Variants in MYH11 observed in about 807,000 individuals in gnomAD.
MYH11 encodes the protein myosin heavy chain 11, also known as myosin-11.
MYH11 carries 80 observed loss-of-function variants against 246.6 expected under a neutral mutation model. That is an observed-to-expected ratio of 0.32 (90% CI 0.27 to 0.39). The LOEUF (loss-of-function observed/expected upper bound fraction) is 0.39. MYH11 is among the 10% of genes least tolerant of loss of function. The pLI is 1.00. For synonymous variants in MYH11, 1,071 were observed against 1,015.5 expected, an observed-to-expected ratio of 1.05 and a Z score of -1.04; for missense variants, 2,158 against 2,546.8, an observed-to-expected ratio of 0.85 and a Z score of 3.29.
At position 15,745,160 on chromosome 16, in the gene MYH11, C is replaced by T. The variant is rs779428674; in HGVS notation, c.2489G>A (p.Arg830Gln). ...QRNCAAYLKL[R>Q]NWQWWRLFTK... ...GAAAAGCCTCCACCACTGCCAGTTCCGCAGCTTGAGGTAGGCGGCGCAGTT... is the reference window on the plus strand; with the variant it reads ...GAAAAGCCTCCACCACTGCCAGTTCTGCAGCTTGAGGTAGGCGGCGCAGTT... The change falls in exon 20 of 41, where the codon CGG becomes CAG. Residue 830 changes from arginine (R) to glutamine (Q), a missense_variant. This residue lies in a region of MYH11 where 90 missense variants were observed against 144.2 expected (regional missense o/e 0.62). Transcript: ENST00000300036. 6.2e-7 allele frequency: 1 copy of T among 1,614,138 alleles called. No individual in the cohort carries two copies. The highest frequency in any genetic ancestry group is 8.5e-7 in the Non-Finnish European group (1 of 1,180,026).
chr16:15,817,611 CCT>C (rs1454297674), intron 3 of MYH11, among the ~76,000 whole-genome samples: 2 of 152,130 alleles, frequency 1.3e-5, no homozygotes, highest in Non-Finnish European at 2.9e-5. Flanking sequence ...CTTCCCATAC[CCT>C]CAAGGGGCTT....
At chr16:15,761,478 C>T (rs946764566) in intron 10 of MYH11, among the ~76,000 whole-genome samples, 8 of 152,158 alleles carry the variant, frequency 5.3e-5, no homozygotes, top group African/African-American at 1.9e-4. Flanking sequence ...TGAACAGTTA[C>T]TGTTCAATAA....
At position 15,724,755 on chromosome 16, in the gene MYH11, C is replaced by T. The variant is rs749476388; in HGVS notation, c.4008G>A (p.Thr1336=). The T allele has an allele frequency of 5.6e-6, 9 of 1,614,018 alleles. No individual in the cohort carries two copies. The African/African-American group carries it at 9.3e-5, about 17-fold the overall frequency. The change falls in exon 30 of 41, where the codon ACG becomes ACA. Residue 1336 remains threonine (T), a synonymous_variant. Transcript: ENST00000300036. ...EETRQKLNVS[T]KLRQLEEERN... The stretch of plus-strand genomic sequence containing the variant: ...GCTCCTCCTCCAGCTGGCGCAGCTT[C>T]GTAGACACGTTGAGCTTCTGCCGGG...
intron 26 of MYH11, among the ~76,000 whole-genome samples, 186 bp downstream of exon 26, chr16:15,735,176 CAAAA>C (rs34752846): frequency 7.7e-5 from 9 of 116,234 alleles, no homozygotes; most frequent in Admixed American, 2.8e-4. Flanking sequence ...CAGACTGCCT[CAAAA>C]AAAAAAAAAA....
intron 20 of MYH11, among the ~76,000 whole-genome samples, chr16:15,743,589 C>T (rs1208959491): frequency 1.2e-4 from 19 of 152,236 alleles, no homozygotes; most frequent in Non-Finnish European, 7.3e-5. Flanking sequence ...CAAGCCCCTG[C>T]CTGGCACAAG....
Position 15,727,037 on chromosome 16 carries a change from G to C in MYH11, c.3669C>G (p.Asp1223Glu). Reference protein sequence around the residue: ...EQFKRAKANLDKNKQTLEKEN... With the variant: ...EQFKRAKANLEKNKQTLEKEN... ...CTTTCTCCAGCGTCTGCTTATTCTT[G>C]TCTAGGTTCGCCTTGGCCTGGCGAA... Residue 1223 changes from aspartate to glutamate, a missense_variant, in exon 28 of 41, where the codon GAC (aspartate) becomes GAG (glutamate). Around this residue, in one of 11 missense-constraint regions of MYH11, gnomAD observed 1,013 missense variants for 993.5 expected, o/e 1.02. Transcript: ENST00000300036. 6.2e-7 allele frequency: 1 copy of C among 1,611,748 alleles called. No individual in the cohort carries two copies.
intron 14 of MYH11, 56 bp downstream of exon 14, chr16:15,756,285 T>C: frequency 6.3e-7 from 1 of 1,592,324 alleles, no homozygotes; most frequent in East Asian, 2.2e-5. Context: ...GTCTCTGCGC[T>C]GAGCAGCCAC....
intron 36 of MYH11, chr16:15,718,930 C>T (rs1045646104): frequency 2.2e-5 from 10 of 444,982 alleles, no homozygotes; most frequent in Non-Finnish European, 3.3e-5. Flanking sequence ...GAGTTCAAGA[C>T]TAGCCTGGCC....
chr16:15,763,741 T>TCGGCGC, intron 10 of MYH11, 55 bp downstream of exon 10: 2 of 646,862 alleles, frequency 3.1e-6, no homozygotes, highest in Non-Finnish European at 2.9e-6. Flanking sequence ...AAATGTCACC[T>TCGGCGC]CCCCCACCCC....
intron 5 of MYH11, chr16:15,786,047 A>G (rs1333103264): frequency 4.0e-6 from 1 of 252,138 alleles, no homozygotes; most frequent in African/African-American, 2.2e-5. Context: ...TGATACCAGC[A>G]TCTCCATCCC....
intron 28 of MYH11, 108 bp from the exon 29 acceptor site, chr16:15,725,100 A>T (rs2040685114): frequency 2.5e-6 from 2 of 808,300 alleles, no homozygotes; most frequent in Non-Finnish European, 2.1e-6. Flanking sequence ...GTGTTCACTG[A>T]TTGAGAAAAT....
At chr16:15,714,573 A>G (rs1194786015) in intron 40 of MYH11, 16 of 452,010 alleles carry the variant, frequency 3.5e-5, no homozygotes, top group South Asian at 7.3e-5. Flanking sequence ...TGCAGCTTCA[A>G]TGGATGTCGT....
chr16:15,721,107 G>A, intron 32 of MYH11, 56 bp from the exon 33 acceptor site: 1 of 1,588,968 alleles, frequency 6.3e-7, no homozygotes, highest in Non-Finnish European at 8.6e-7. Context: ...GAAGACGATT[G>A]AGAAACCCAC....
chr16:15,773,180 G>C (rs905688035), intron 8 of MYH11, among the ~76,000 whole-genome samples: 1 of 151,706 alleles, frequency 6.6e-6, no homozygotes, highest in Non-Finnish European at 1.5e-5. Flanking sequence ...AAGCACAATC[G>C]CTGTAATAGG....
chr16:15,769,694 T>C (rs1176836681), intron 9 of MYH11, among the ~76,000 whole-genome samples: 2 of 152,268 alleles, frequency 1.3e-5, no homozygotes, highest in Non-Finnish European at 2.9e-5. Flanking sequence ...CTCAAAGTGC[T>C]GGAATTACAG....
chr16:15,834,538 AAAG>A lies in MYH11; in HGVS notation c.345+3367_345+3369del, dbSNP rs1258083929. On this transcript the variant is annotated intron_variant, in intron 2 of 40. Transcript: ENST00000300036. Reference sequence around the variant, plus strand: ...TGAAATTCCATCTCAAAAAAAAAAAAAAGAAGAAAGAAAGAAAAAGAAAATGTC... The same window carrying A: ...TGAAATTCCATCTCAAAAAAAAAAAAAAGAAAGAAAGAAAAAGAAAATGTC... Among the ~76,000 whole-genome samples the A allele has an allele frequency of 4.2e-5, 6 of 144,492 alleles. No homozygotes were observed. In the East Asian group the frequency reaches 9.7e-4, roughly 23 times the overall value. 94.8% of individuals were successfully genotyped at this position (144,492 alleles called of 152,430 possible).
Position 15,708,827 on chromosome 16 carries a change from T to G in MYH11, c.5787-4704A>C. 1 of 1,610,146 alleles carries G rather than the reference T, an allele frequency of 6.2e-7. No homozygotes were observed. Among genetic ancestry groups the G allele is most frequent in the Non-Finnish European group, 8.5e-7 (1 of 1,178,552 alleles). ...CCTGGTGCATCACTGCGAAGTTTCC[T>G]GTGGGGGGGGCCCTCTGAAACAGAG... On this transcript the variant is annotated intron_variant, in intron 40 of 40. Coordinates refer to ENST00000300036, the MANE Select transcript of MYH11 (RefSeq NM_002474.3).
At chr16:15,825,022 AAC>A (rs1412894473) in intron 2 of MYH11, among the ~76,000 whole-genome samples, 3 of 152,102 alleles carry the variant, frequency 2.0e-5, no homozygotes, top group East Asian at 3.9e-4. Context: ...CCATCTGCAA[AAC>A]AGAGACCAAC....
At chr16:15,856,717 C>T (rs2044481527) in intron 1 of MYH11, among the ~76,000 whole-genome samples, 1 of 151,724 alleles carries the variant, frequency 6.6e-6, no homozygotes, top group South Asian at 2.1e-4. Context: ...CAAAATGGTA[C>T]TTCTCACTGG....
Sources: allele counts gnomAD v4.1 joint callset (sites outside exome capture counted in the v4.1 genomes callset), GRCh38; gene constraint gnomAD v4.1.1; regional missense constraint gnomAD v4.1.1; transcripts MANE v1.5; gene names NCBI Gene and HGNC (gene_info 2026-07-23, HGNC 2026-07-21).